GSE1: variants seen among roughly 807,000 people sequenced by gnomAD.
The protein encoded by GSE1 is Gse1 coiled-coil protein.
A neutral mutation model predicts 112.6 loss-of-function variants in GSE1; 32 were observed. The ratio of observed to expected loss-of-function variants is 0.28; its 90% CI spans 0.21 to 0.38. The LOEUF (loss-of-function observed/expected upper bound fraction) is 0.38, where lower values mean the gene tolerates loss of function less well. Among genes scored for constraint, GSE1 ranks in the 10% least tolerant of loss-of-function variants. The probability of loss-of-function intolerance (pLI) is 1.00; values close to 1 mark genes in which losing one functional copy is unlikely to be tolerated. For synonymous variants in GSE1, 1,115 were observed against 735.6 expected (o/e 1.52, Z -8.35); for missense variants, 2,348 against 1,699.2 (o/e 1.38, Z -6.71).
intron 1 of GSE1, among the ~76,000 whole-genome samples, chr16:85,356,335 C>T (rs2046951132): frequency 6.6e-6 from 1 of 152,260 alleles, no homozygotes; most frequent in Admixed American, 6.5e-5. Context: ...GGGGCTGCAC[C>T]CTTGCAGTCC....
At chr16:85,363,083 T>C (rs2047116561) in intron 2 of GSE1, among the ~76,000 whole-genome samples, 1 of 152,170 alleles carries the variant, frequency 6.6e-6, no homozygotes, top group African/African-American at 2.4e-5. Context: ...GAAATCCACC[T>C]GCCTTGGCCT....
chr16:85,267,500 C>T (rs1875756565), intron 1 of GSE1, among the ~76,000 whole-genome samples: 2 of 152,034 alleles, frequency 1.3e-5, no homozygotes, highest in South Asian at 4.1e-4. Flanking sequence ...TGTGCGCACG[C>T]ATGTACAGGT....
chr16:85,432,013 G>A (rs934946383), intron 2 of GSE1, among the ~76,000 whole-genome samples: 1 of 152,240 alleles, frequency 6.6e-6, no homozygotes, highest in Non-Finnish European at 1.5e-5. Flanking sequence ...GCCTGGGCGA[G>A]TGCTGGGACG....
chr16:85,263,171 CAA>C (rs1467727759), intron 1 of GSE1, among the ~76,000 whole-genome samples: 5 of 152,260 alleles, frequency 3.3e-5, no homozygotes, highest in Middle Eastern at 3.4e-3. Context: ...GTTGTAGCTT[CAA>C]AGAGTGTGGT....
intron 2 of GSE1, among the ~76,000 whole-genome samples, chr16:85,478,903 CTTTCTTTCTTTCTTTCTTTCTTTCTCTT>C (rs1473388129): frequency 0.015 from 982 of 67,564 alleles, 43 homozygotes; most frequent in East Asian, 0.024. Context: ...TTCTTTCTTT[CTTTCTTTCTTTCTTTCTTTCTTTCTCTT>C]TCTTTCTTTC....
In GSE1 at chr16:85,288,014, C is replaced by T. The variant is rs144122402; in HGVS notation, c.2284-69449C>T. 7.9e-4 allele frequency among the ~76,000 whole-genome samples: 120 copies of T among 152,272 alleles called. No individual in the cohort carries two copies. The East Asian group carries it at 0.016, about 20-fold the overall frequency. On this transcript the variant is annotated intron_variant, in intron 1 of 2. Coordinates refer to the GSE1 transcript ENST00000637419. ...CAGCACTTCGGGAGGCCGAGGTAGG[C>T]GGATCACCTGAGGTTAGGAGTTCGA... is the stretch of plus-strand genomic sequence containing the variant.
At chr16:85,613,209 G>T, upstream of GSE1, 1 of 1,464,064 alleles carries the variant, frequency 6.8e-7, no homozygotes, top group Non-Finnish European at 9.0e-7. Context: ...CGTTGCGTTT[G>T]GGTGTGTCCT....
chr16:85,206,886 C>T (rs1423603813), intron 1 of GSE1, among the ~76,000 whole-genome samples: 1 of 141,830 alleles, frequency 7.1e-6, no homozygotes, highest in East Asian at 2.5e-4. Context: ...TTCTTTATGG[C>T]AGGCAAAGTG....
intron 7 of GSE1, among the ~76,000 whole-genome samples, chr16:85,656,913 T>C (rs2052008359): frequency 1.3e-5 from 2 of 152,228 alleles, no homozygotes; most frequent in Non-Finnish European, 1.5e-5. Context: ...AAGGGATGTT[T>C]TGAGTGCTTC....
intron 2 of GSE1, among the ~76,000 whole-genome samples, chr16:85,474,485 C>G (rs746464444): frequency 1.3e-5 from 2 of 152,104 alleles, no homozygotes; most frequent in Non-Finnish European, 2.9e-5. Context: ...CGGGGAGTCA[C>G]ATTTCATTTT....
intron 1 of GSE1, among the ~76,000 whole-genome samples, chr16:85,208,860 C>T (rs1308464523): frequency 1.0e-5 from 1 of 98,968 alleles, no homozygotes; most frequent in Non-Finnish European, 2.3e-5. Flanking sequence ...TGTTGGGGTT[C>T]ACCATATGTT....
At chr16:85,584,612 G>A (rs1341018799) in intron 1 of GSE1, among the ~76,000 whole-genome samples, 1 of 152,094 alleles carries the variant, frequency 6.6e-6, no homozygotes, top group African/African-American at 2.4e-5. Context: ...TTCTTTCTCA[G>A]ATGGCAGCGT....
At chr16:85,209,555 C>T (rs941557588) in intron 1 of GSE1, among the ~76,000 whole-genome samples, 6 of 152,028 alleles carry the variant, frequency 3.9e-5, no homozygotes, top group Non-Finnish European at 7.4e-5. Context: ...TAGGGAGAAA[C>T]CCATAAGCAA....
chr16:85,477,435 C>T lies in GSE1; in HGVS notation c.2464+119792C>T, dbSNP rs186945968. On this transcript the variant is annotated intron_variant, in intron 2 of 2. Transcript: ENST00000637419. The stretch of plus-strand genomic sequence containing the variant: ...AGGGTGCCCCCCAGCCACAGTCAAA[C>T]ATGCCCACAGCCAGCTGGGTCTGCT... Among the ~76,000 whole-genome samples, 56 of 152,180 alleles carry T rather than the reference C, an allele frequency of 3.7e-4. 1 individual carries two copies. The highest frequency in any genetic ancestry group is 1.3e-3 in the African/African-American group (53 of 41,524).
chr16:85,335,005 C>T (rs529574552), intron 1 of GSE1, among the ~76,000 whole-genome samples: 30 of 152,352 alleles, frequency 2.0e-4, no homozygotes, highest in Non-Finnish European at 4.3e-4. Flanking sequence ...AAGCCCCAGA[C>T]CCCTGCTCCT....
At chr16:85,502,646 A>G (rs944936303) in intron 2 of GSE1, among the ~76,000 whole-genome samples, 1 of 152,174 alleles carries the variant, frequency 6.6e-6, no homozygotes, top group African/African-American at 2.4e-5. Flanking sequence ...GAGCTGAAAG[A>G]AGCTGGAGAA....
At chr16:85,615,630 C>G (rs1328381591) in intron 1 of GSE1, among the ~76,000 whole-genome samples, 1 of 152,162 alleles carries the variant, frequency 6.6e-6, no homozygotes, top group African/African-American at 2.4e-5. Context: ...AGTCCTAGTT[C>G]TAGGCACAGT....
rs534273699 is a variant in GSE1 at position 85,444,474 on chromosome 16, T to A, written c.2464+86831T>A. 1.1e-3 allele frequency among the ~76,000 whole-genome samples: 163 copies of A among 152,226 alleles called. 2 individuals carry two copies. Among genetic ancestry groups the A allele is most frequent in the African/African-American group, 3.8e-3 (157 of 41,546 alleles). ...CGCTGGCGTTGAGAGCTGCCGAGTC[T>A]GGTTTAGTTGGAGAGGCAACACCGG... On this transcript the variant is annotated intron_variant, in intron 2 of 2. Coordinates refer to the GSE1 transcript ENST00000637419.
At chr16:85,322,677 G>A (rs1190838955) in intron 1 of GSE1, among the ~76,000 whole-genome samples, 2 of 149,268 alleles carry the variant, frequency 1.3e-5, no homozygotes, top group African/African-American at 5.0e-5. Context: ...GTGCAATGGC[G>A]TGATCTTGGC....
Sources: allele counts gnomAD v4.1 joint callset (sites outside exome capture counted in the v4.1 genomes callset), GRCh38; gene constraint gnomAD v4.1.1; transcripts MANE v1.5; gene names NCBI Gene and HGNC (gene_info 2026-07-23, HGNC 2026-07-21).